WFS1: variants seen among roughly 807,000 people sequenced by gnomAD.
WFS1 encodes wolframin ER transmembrane glycoprotein, also known as wolframin.
A neutral mutation model predicts 68.5 loss-of-function variants in WFS1; 90 were observed. The ratio of observed to expected loss-of-function variants is 1.31; its 90% CI spans 1.11 to 1.56. WFS1 has a LOEUF of 1.56. Among genes scored for constraint, WFS1 ranks in the 40% most tolerant of loss-of-function variants. The pLI is 0.00. For missense variants in WFS1, 1,767 were observed against 1,232.6 expected, an observed-to-expected ratio of 1.43 and a Z score of -6.49; for synonymous variants, 860 against 540.7, an observed-to-expected ratio of 1.59 and a Z score of -8.19.
intron 1 of WFS1, among the ~76,000 whole-genome samples, chr4:6,272,465 T>C (rs1256505775): frequency 6.6e-6 from 1 of 152,138 alleles, no homozygotes; most frequent in Admixed American, 6.5e-5. Context: ...CAAAAATAGG[T>C]ACCTGGGATC....
At chr4:6,286,327 C>T (rs1214783542) in intron 2 of WFS1, among the ~76,000 whole-genome samples, 5 of 152,118 alleles carry the variant, frequency 3.3e-5, no homozygotes, top group Admixed American at 2.6e-4. Context: ...ATTAGTGCCC[C>T]TATAAAAGAA....
intron 6 of WFS1, among the ~76,000 whole-genome samples, chr4:6,293,981 G>A (rs1730550177): frequency 6.6e-6 from 1 of 151,174 alleles, no homozygotes; most frequent in Non-Finnish European, 1.5e-5. Flanking sequence ...TGCCACTTGT[G>A]TGGGCCCCCC....
intron 1 of WFS1, 106 bp from the exon 2 acceptor site, chr4:6,277,344 TG>T: frequency 9.4e-7 from 1 of 1,062,056 alleles, no homozygotes; most frequent in Non-Finnish European, 1.4e-6. Flanking sequence ...ATGGAGTGTC[TG>T]GCAGCTCCCA....
Position 6,301,313 on chromosome 4 carries a change from G to C in WFS1, c.1518G>C (p.Leu506=). The C allele has an allele frequency of 6.2e-7, 1 of 1,611,422 alleles. No homozygotes were observed. ...LVVLNVSVPC[L]LYVYLLYLFF... ...TCCTCAACGTCAGCGTCCCGTGCCTGCTCTATGTCTACCTGCTCTATCTCT... is the reference window on the plus strand; with the variant it reads ...TCCTCAACGTCAGCGTCCCGTGCCTCCTCTATGTCTACCTGCTCTATCTCT... The change falls in exon 8 of 8, where the codon CTG becomes CTC. Residue 506 remains leucine (L), a synonymous_variant. Coordinates refer to ENST00000226760, the MANE Select transcript of WFS1 (RefSeq NM_006005.3).
chr4:6,299,012 C>T (rs118008363), intron 7 of WFS1, among the ~76,000 whole-genome samples: 17 of 152,352 alleles, frequency 1.1e-4, no homozygotes, highest in East Asian at 7.7e-4. Context: ...GCCCCCTAGG[C>T]GTCCACTTCC....
intron 6 of WFS1, among the ~76,000 whole-genome samples, chr4:6,293,798 G>C (rs188509305): frequency 3.9e-4 from 59 of 152,306 alleles, no homozygotes; most frequent in Non-Finnish European, 1.3e-4. Flanking sequence ...GTAGGGAGAT[G>C]TGTGGGTGGC....
rs543103882 is a variant in WFS1 at position 6,271,705 on chromosome 4, G to A, written c.-6+1691G>A. 2.6e-5 allele frequency among the ~76,000 whole-genome samples: 4 copies of A among 152,186 alleles called. No homozygotes were observed. In the South Asian group the frequency reaches 6.2e-4, roughly 24 times the overall value. ...GAGCCTCACTCGGATGCCTGCCCTG[G>A]TTCAGGACCCTCGCCTCTCCCTGGA... On this transcript the variant is annotated intron_variant, in intron 1 of 7. Coordinates refer to ENST00000226760, the MANE Select transcript of WFS1 (RefSeq NM_006005.3).
rs1730226017 is a variant in WFS1, at chr4:6,283,683, G to A, written c.233-3410G>A. On this transcript the variant is annotated intron_variant, in intron 2 of 7. Transcript: ENST00000226760. The surrounding 1 kb of genome is among the most constrained non-coding windows in gnomAD (Gnocchi z 5.0). ...GGCTGTGTCCATCCCTGAACCAGGT[G>A]CTGTAGTCAGGGAGATGACCTGGCA... Among the ~76,000 whole-genome samples, 1 of 152,222 alleles carries A rather than the reference G, an allele frequency of 6.6e-6. No individual in the cohort carries two copies. Among genetic ancestry groups the A allele is most frequent in the Non-Finnish European group, 1.5e-5 (1 of 68,044 alleles).
rs575148724 is a variant in WFS1, at chr4:6,294,843, G to A, written c.713-198G>A. On this transcript the variant is annotated intron_variant, in intron 6 of 7. Coordinates refer to ENST00000226760, the MANE Select transcript of WFS1 (RefSeq NM_006005.3). Reference sequence around the variant, plus strand: ...GGCCAGGAGTGGAGGCTGGCACTTGGCAAACCTGCCCCCTTCCTCCTCACC... The same window carrying A: ...GGCCAGGAGTGGAGGCTGGCACTTGACAAACCTGCCCCCTTCCTCCTCACC... The A allele has an allele frequency of 8.8e-6, 7 of 792,216 alleles. No individual in the cohort carries two copies. In the African/African-American group the frequency reaches 1.0e-4, roughly 12 times the overall value. 49.1% of individuals were successfully genotyped at this position (792,216 alleles called of 1,614,324 possible). A position where few individuals can be genotyped will look rare whatever the true frequency, so the allele number is the denominator to read the frequency against.
intron 7 of WFS1, 139 bp downstream of exon 7, chr4:6,295,328 C>A (rs763468481): frequency 2.1e-4 from 215 of 1,023,626 alleles, no homozygotes; most frequent in Non-Finnish European, 3.0e-4. Context: ...CCGCTGGTAC[C>A]TTTGGGTCAT....
intron 1 of WFS1, among the ~76,000 whole-genome samples, chr4:6,270,357 TC>T (rs1189973402): frequency 1.4e-5 from 2 of 142,388 alleles, no homozygotes; most frequent in Non-Finnish European, 1.5e-5. Context: ...CCCCGCGCCA[TC>T]CCCCCCGAGT....
rs547933924 is a variant in WFS1 at position 6,298,345 on chromosome 4, G to C, written c.862-2312G>C. Among the ~76,000 whole-genome samples, 40 of 152,350 alleles carry C rather than the reference G, an allele frequency of 2.6e-4. No individual in the cohort carries two copies. In the South Asian group the frequency reaches 3.5e-3, roughly 13 times the overall value. ...TAAATGCCCTCTGGCTCTCTGGCAAGCGTTGGAAATGCCCTCAAACCCTGT... is the reference window on the plus strand; with the variant it reads ...TAAATGCCCTCTGGCTCTCTGGCAACCGTTGGAAATGCCCTCAAACCCTGT... On this transcript the variant is annotated intron_variant, in intron 7 of 7. Coordinates refer to ENST00000226760, the MANE Select transcript of WFS1 (RefSeq NM_006005.3).
chr4:6,301,478 C>G lies in WFS1; in HGVS notation c.1683C>G (p.Ile561Met), dbSNP rs71530906. The stretch of plus-strand genomic sequence containing the variant: ...GCCTGGGGCTGCTCCGCGCCTCCAT[C>G]GGCTACTTCCTCTTCCTCTTTGCCC... ...STGLGLLRAS[I>M]GYFLFLFALP... Residue 561 changes from isoleucine to methionine, a missense_variant, in exon 8 of 8, where the codon ATC becomes ATG. Physicochemically the swap from Ile to Met is conservative, Grantham distance 10 (BLOSUM62 1). Coordinates refer to ENST00000226760, the MANE Select transcript of WFS1 (RefSeq NM_006005.3). 25 of 1,612,920 alleles carry G rather than the reference C, an allele frequency of 1.5e-5. No homozygotes were observed. Among genetic ancestry groups the G allele is most frequent in the Non-Finnish European group, 2.1e-5 (25 of 1,180,052 alleles).
intron 1 of WFS1, among the ~76,000 whole-genome samples, chr4:6,272,650 C>G (rs751623275): frequency 5.3e-5 from 8 of 152,216 alleles, no homozygotes; most frequent in Non-Finnish European, 1.0e-4. Context: ...ATCACACATT[C>G]ATTATAGAAA....
chr4:6,277,538 A>G lies in WFS1; in HGVS notation c.83A>G (p.Asn28Ser), dbSNP rs397517198. 12 of 1,589,318 alleles carry G rather than the reference A, an allele frequency of 7.6e-6. No individual in the cohort carries two copies. The highest frequency in any genetic ancestry group is 1.0e-5 in the Non-Finnish European group (12 of 1,168,696). The change falls in exon 2 of 8, where the codon AAT (asparagine) becomes AGT (serine). Residue 28 changes from asparagine (N) to serine (S), a missense_variant. By Grantham distance (46) the Asn-to-Ser change is conservative (BLOSUM62 1). Coordinates refer to ENST00000226760, the MANE Select transcript of WFS1 (RefSeq NM_006005.3). ...APQPQARSRL[N>S]ATASLEQERS... is the part of the protein sequence containing the mutation. ...CAGCCCCAGGCGCGTTCCCGACTCA[A>G]TGCCACAGCCTCGTTGGAGCAGGAG...
In WFS1 at chr4:6,300,975, G is replaced by C. The variant is rs373146435; in HGVS notation, c.1180G>C (p.Glu394Gln). 2.5e-6 allele frequency: 4 copies of C among 1,613,988 alleles called. No individual in the cohort carries two copies. Among genetic ancestry groups the C allele is most frequent in the Admixed American group, 1.7e-5 (1 of 59,894 alleles). The stretch of plus-strand genomic sequence containing the variant: ...GCCCAACCTGGATGTGGAGCAGGCC[G>C]AGGTCAACTTCGGCTGGAACCACCT... ...FEPNLDVEQA[E>Q]VNFGWNHLEP... Residue 394 changes from glutamate (E) to glutamine (Q), a missense_variant, in exon 8 of 8, where the codon GAG (glutamate) becomes CAG (glutamine). Transcript: ENST00000226760.
chr4:6,293,976 C>G (rs1329561356), intron 6 of WFS1, among the ~76,000 whole-genome samples: 1 of 151,662 alleles, frequency 6.6e-6, no homozygotes, highest in Non-Finnish European at 1.5e-5. Flanking sequence ...CTACCTGCCA[C>G]TTGTGTGGGC....
At position 6,270,582 on chromosome 4, in the gene WFS1, C is replaced by G. The variant is rs374890677; in HGVS notation, c.-6+568C>G. 5.8e-4 allele frequency among the ~76,000 whole-genome samples: 88 copies of G among 152,324 alleles called. 4 individuals are homozygous for G. The South Asian group carries it at 0.018, about 30-fold the overall frequency. ...GAGCGCTGTGGCAGTTCCTCTCTCT[C>G]TCGGGGCCCCTCAGTAGAGAGTTGA... is the stretch of plus-strand genomic sequence containing the variant. On this transcript the variant is annotated intron_variant, in intron 1 of 7. Coordinates refer to ENST00000226760, the MANE Select transcript of WFS1 (RefSeq NM_006005.3).
At chr4:6,294,884 C>A in intron 6 of WFS1, 157 bp from the exon 7 acceptor site, 2 of 1,277,304 alleles carry the variant, frequency 1.6e-6, no homozygotes, top group Non-Finnish European at 1.1e-6. Flanking sequence ...TGGTCCTCAA[C>A]CCTCAGGCCG....
Sources: gnomAD v4.1 joint callset for allele counts (sites outside exome capture counted in the v4.1 genomes callset) on GRCh38, gnomAD v4.1.1 for gene constraint, Gnocchi (gnomAD v3.1) non-coding constraint, MANE v1.5 for transcripts, NCBI Gene and HGNC (gene_info 2026-07-23, HGNC 2026-07-21) for gene names.